CXADR: variants seen among roughly 807,000 people sequenced by gnomAD.
CXADR encodes CXADR cell adhesion molecule.
In CXADR, 20 loss-of-function variants were observed where a neutral mutation model predicts 40.3. The ratio of observed to expected loss-of-function variants is 0.50; its 90% CI spans 0.35 to 0.72. CXADR has a LOEUF of 0.72. Ranked by LOEUF, CXADR falls within the 30% of genes least tolerant of loss-of-function variation. The pLI is 0.01. For missense variants in CXADR, 332 were observed against 449.1 expected, an observed-to-expected ratio of 0.74 and a Z score of 2.36; for synonymous variants, 150 against 161.3, an observed-to-expected ratio of 0.93 and a Z score of 0.53.
intron 1 of CXADR, among the ~76,000 whole-genome samples, chr21:17,519,937 T>C (rs2060508150): frequency 6.6e-6 from 1 of 151,812 alleles, no homozygotes; most frequent in Non-Finnish European, 1.5e-5. Flanking sequence ...CCAGCCTGGG[T>C]GACAGAGCGA....
chr21:17,547,731 AT>A (rs1342176632), intron 2 of CXADR, among the ~76,000 whole-genome samples: 1 of 150,918 alleles, frequency 6.6e-6, no homozygotes, highest in African/African-American at 2.4e-5. Flanking sequence ...TGTCCAATGA[AT>A]TTTTTAAAAG....
the CXADR span, among the ~76,000 whole-genome samples, chr21:17,626,683 G>A: frequency 6.6e-6 from 1 of 152,194 alleles, no homozygotes; most frequent in Non-Finnish European, 1.5e-5. Context: ...GACAATCAGC[G>A]CACTTGAGTC....
At chr21:17,598,720 G>A in the CXADR span, 3 of 1,613,980 alleles carry the variant, frequency 1.9e-6, no homozygotes, top group Non-Finnish European at 2.5e-6. Context: ...ATAATCAGAG[G>A]TAACCTTATC....
chr21:17,588,015 C>T (rs1262077565), intron 7 of CXADR, among the ~76,000 whole-genome samples: 1 of 151,938 alleles, frequency 6.6e-6, no homozygotes, highest in Non-Finnish European at 1.5e-5. Context: ...GCTTGTTTTT[C>T]TCAGGTTTGT....
At chr21:17,592,833 G>T (rs569915974) in intron 7 of CXADR, among the ~76,000 whole-genome samples, 1 of 151,532 alleles carries the variant, frequency 6.6e-6, no homozygotes, top group Admixed American at 6.6e-5. Context: ...AGTCTCTAAG[G>T]TTTAAAAATG....
At chr21:17,592,143 G>A (rs569952508) in intron 7 of CXADR, among the ~76,000 whole-genome samples, 2 of 151,974 alleles carry the variant, frequency 1.3e-5, no homozygotes, top group African/African-American at 4.8e-5. Context: ...TAGTAACGTG[G>A]AATGTTCTGG....
At chr21:17,537,358 G>A (rs960477835) in intron 1 of CXADR, among the ~76,000 whole-genome samples, 2 of 152,216 alleles carry the variant, frequency 1.3e-5, no homozygotes, top group African/African-American at 4.8e-5. Flanking sequence ...ACTTGTGCCT[G>A]TGAACATTGT....
intron 7 of CXADR, among the ~76,000 whole-genome samples, chr21:17,579,719 A>G (rs2061347173): frequency 6.6e-6 from 1 of 152,212 alleles, no homozygotes; most frequent in Non-Finnish European, 1.5e-5. Context: ...GAAGAGGCTT[A>G]GAACACAGAA....
rs2824361 is a variant in CXADR at position 17,567,657 on chromosome 21, G to A, written c.*1965G>A. ...ACTCTATGTTTCTGATTTTATAACAGTAGCCATTTTTGAAAGTCAGATGTT... is the reference window on the plus strand; with the variant it reads ...ACTCTATGTTTCTGATTTTATAACAATAGCCATTTTTGAAAGTCAGATGTT... On this transcript the variant is annotated 3_prime_UTR_variant, in exon 7 of 7. Transcript: ENST00000284878. 7,710 of 981,158 alleles carry A rather than the reference G, an allele frequency of 7.9e-3. 465 individuals are homozygous for A. The African/African-American group carries it at 0.12, about 16-fold the overall frequency. The allele number at this position is 981,158 out of a possible 1,614,324, so 60.8% of individuals were successfully genotyped here.
chr21:17,582,405 T>C (rs2123383899), intron 7 of CXADR, among the ~76,000 whole-genome samples: 1 of 152,354 alleles, frequency 6.6e-6, no homozygotes, highest in Non-Finnish European at 1.5e-5. Flanking sequence ...TTTGCCCTTT[T>C]ATGGCTATGT....
At chr21:17,538,588 T>G (rs2123208017) in intron 1 of CXADR, among the ~76,000 whole-genome samples, 1 of 152,132 alleles carries the variant, frequency 6.6e-6, no homozygotes, top group East Asian at 1.9e-4. Flanking sequence ...GGAGGATTAC[T>G]TGAGCCCTGG....
intron 1 of CXADR, among the ~76,000 whole-genome samples, chr21:17,544,837 A>G (rs1179349848): frequency 6.6e-6 from 1 of 152,174 alleles, no homozygotes; most frequent in East Asian, 1.9e-4. Context: ...TGTTGAATGT[A>G]ACCAGGATTT....
At chr21:17,595,779 G>A (rs974513684), downstream of CXADR, among the ~76,000 whole-genome samples, 10 of 152,018 alleles carry the variant, frequency 6.6e-5, no homozygotes, top group Admixed American at 3.3e-4. Context: ...GCATATTTTC[G>A]TTTCTTTTGG....
the CXADR span, among the ~76,000 whole-genome samples, chr21:17,623,333 G>C: frequency 6.7e-6 from 1 of 149,944 alleles, no homozygotes; most frequent in Non-Finnish European, 1.5e-5. Flanking sequence ...TTATCTTATA[G>C]ACAGATAATT....
intron 7 of CXADR, among the ~76,000 whole-genome samples, chr21:17,585,859 G>A: frequency 6.6e-6 from 1 of 152,118 alleles, no homozygotes; most frequent in Admixed American, 6.5e-5. Context: ...TTTATTAACA[G>A]AAAAATAATT....
the CXADR span, among the ~76,000 whole-genome samples, chr21:17,632,448 A>C: frequency 2.6e-5 from 4 of 152,240 alleles, no homozygotes; most frequent in African/African-American, 4.8e-5. Flanking sequence ...TCAGAATAAC[A>C]GTTGCATATT....
chr21:17,633,597 A>G, the CXADR span, among the ~76,000 whole-genome samples: 1 of 152,156 alleles, frequency 6.6e-6, no homozygotes, highest in East Asian at 1.9e-4. Context: ...TCCCAGACAC[A>G]CTTTTCATCT....
chr21:17,525,150 T>G (rs1439430398), intron 1 of CXADR, among the ~76,000 whole-genome samples: 4 of 152,194 alleles, frequency 2.6e-5, no homozygotes, highest in Non-Finnish European at 5.9e-5. Context: ...GGATTAACAA[T>G]TAAATTAACC....
chr21:17,622,910 A>G, the CXADR span, among the ~76,000 whole-genome samples: 1 of 152,220 alleles, frequency 6.6e-6, no homozygotes, highest in Non-Finnish European at 1.5e-5. Flanking sequence ...TAGTCCTTCA[A>G]TATGGGTGTG....
Sources: gnomAD v4.1 joint callset for allele counts (sites outside exome capture counted in the v4.1 genomes callset) on GRCh38, gnomAD v4.1.1 for gene constraint, MANE v1.5 for transcripts, NCBI Gene and HGNC (gene_info 2026-07-23, HGNC 2026-07-21) for gene names.